DCUN1D4: variants seen among roughly 807,000 people sequenced by gnomAD.
The protein encoded by DCUN1D4 is DCN1-like protein 4.
In DCUN1D4, 22 loss-of-function variants were observed where a neutral mutation model predicts 47.9. That is an observed-to-expected ratio of 0.46 (90% CI 0.33 to 0.66). The LOEUF (loss-of-function observed/expected upper bound fraction) is 0.66, where lower values mean the gene tolerates loss of function less well. DCUN1D4 is among the 30% of genes least tolerant of loss of function. DCUN1D4 has a pLI of 0.02. For synonymous variants in DCUN1D4, 121 were observed against 112.2 expected, an observed-to-expected ratio of 1.08 and a Z score of -0.50; for missense variants, 301 against 340.8, an observed-to-expected ratio of 0.88 and a Z score of 0.92.
At chr4:51,895,040 C>CTT (rs1321535733) in intron 7 of DCUN1D4, among the ~76,000 whole-genome samples, 2 of 152,054 alleles carry the variant, frequency 1.3e-5, no homozygotes, top group Non-Finnish European at 2.9e-5. Flanking sequence ...CCTTGGGTCT[C>CTT]TTAACTAATC....
chr4:51,868,231 G>A (rs1210313183), intron 3 of DCUN1D4, among the ~76,000 whole-genome samples: 1 of 152,164 alleles, frequency 6.6e-6, no homozygotes, highest in Non-Finnish European at 1.5e-5. Context: ...ATGGCTGGGC[G>A]GCTGCAGCTG....
At chr4:51,870,369 T>A (rs1577919501) in intron 3 of DCUN1D4, among the ~76,000 whole-genome samples, 1 of 152,302 alleles carries the variant, frequency 6.6e-6, no homozygotes, top group East Asian at 1.9e-4. Context: ...AAGCATTCCT[T>A]GAATATGTCT....
chr4:51,894,291 G>A (rs999528567), intron 7 of DCUN1D4, among the ~76,000 whole-genome samples: 2 of 152,170 alleles, frequency 1.3e-5, no homozygotes, highest in Non-Finnish European at 2.9e-5. Flanking sequence ...CATCAGTGAG[G>A]TGGAGATAAT....
At chr4:51,845,842 A>C (rs1365750223) in intron 1 of DCUN1D4, among the ~76,000 whole-genome samples, 1 of 152,202 alleles carries the variant, frequency 6.6e-6, no homozygotes, top group Non-Finnish European at 1.5e-5. Flanking sequence ...TGATGAGTGA[A>C]AAATTGGGCA....
intron 6 of DCUN1D4, among the ~76,000 whole-genome samples, chr4:51,889,723 C>T (rs980683206): frequency 1.3e-5 from 2 of 152,098 alleles, no homozygotes; most frequent in East Asian, 1.9e-4. Context: ...CTAGGTAAAT[C>T]GATATACAAG....
At chr4:51,892,576 T>G (rs940934444) in intron 7 of DCUN1D4, among the ~76,000 whole-genome samples, 2 of 152,246 alleles carry the variant, frequency 1.3e-5, no homozygotes, top group African/African-American at 4.8e-5. Context: ...CTCCAGTGAT[T>G]TAAAAAATTA....
chr4:51,899,124 T>C (rs1731721016), intron 7 of DCUN1D4, 146 bp from the exon 8 acceptor site: 1 of 1,346,872 alleles, frequency 7.4e-7, no homozygotes, highest in Non-Finnish European at 9.6e-7. Flanking sequence ...TAAAATTTTT[T>C]TTAAGTGTAG....
At chr4:51,885,956 G>A (rs1369455481) in intron 5 of DCUN1D4, among the ~76,000 whole-genome samples, 1 of 152,186 alleles carries the variant, frequency 6.6e-6, no homozygotes, top group Non-Finnish European at 1.5e-5. Context: ...GCTTATTGGA[G>A]ACCTTGGCAA....
intron 6 of DCUN1D4, chr4:51,886,876 C>T: frequency 2.1e-6 from 1 of 482,344 alleles, no homozygotes; most frequent in South Asian, 2.1e-5. Flanking sequence ...GTAAAAGGTA[C>T]AGTAAGCCAG....
At chr4:51,838,852 A>C (rs1464347238), upstream of DCUN1D4, among the ~76,000 whole-genome samples, 1 of 152,182 alleles carries the variant, frequency 6.6e-6, no homozygotes, top group African/African-American at 2.4e-5. Context: ...AGGCGGGCAG[A>C]TCACCTGAGG....
In DCUN1D4 at chr4:51,914,181, A is replaced by G. The variant is rs1734097774; in HGVS notation, c.*597A>G. 6.6e-6 allele frequency: 1 copy of G among 152,254 alleles called. No homozygotes were observed. The highest frequency in any genetic ancestry group is 1.5e-5 in the Non-Finnish European group (1 of 68,064). The allele number at this position is 152,254 out of a possible 1,614,324, so 9.4% of individuals were successfully genotyped here. ...GAGTTATAATTATTTGAACATATAG[A>G]TATGTAACATGCCACAAATCATTTC... On this transcript the variant is annotated 3_prime_UTR_variant, in exon 11 of 11. Coordinates refer to ENST00000334635, the MANE Select transcript of DCUN1D4 (RefSeq NM_001040402.3).
At chr4:51,834,114 C>CTTTTTTTTTTTTTTTTTTTTTTT in the DCUN1D4 span, among the ~76,000 whole-genome samples, 6 of 37,198 alleles carry the variant, frequency 1.6e-4, no homozygotes, top group African/African-American at 4.2e-4. Flanking sequence ...TTTTTTTTTT[C>CTTTTTTTTTTTTTTTTTTTTTTT]TTTTTTTTTT....
intron 1 of DCUN1D4, among the ~76,000 whole-genome samples, chr4:51,845,574 C>T (rs559990844): frequency 6.6e-6 from 1 of 152,194 alleles, no homozygotes; most frequent in Non-Finnish European, 1.5e-5. Flanking sequence ...TCACATCCTT[C>T]ACCAGTTCCC....
At chr4:51,839,927 TCTC>T, upstream of DCUN1D4, among the ~76,000 whole-genome samples, 1 of 152,322 alleles carries the variant, frequency 6.6e-6, no homozygotes, top group South Asian at 2.1e-4. Flanking sequence ...TTACTAGACT[TCTC>T]CATATCACAT....
At chr4:51,900,610 A>G (rs987814117) in intron 8 of DCUN1D4, among the ~76,000 whole-genome samples, 1 of 152,124 alleles carries the variant, frequency 6.6e-6, no homozygotes, top group Non-Finnish European at 1.5e-5. Context: ...TATGGTGCCT[A>G]TAGTTCTAGC....
chr4:51,842,118 CTT>C, upstream of DCUN1D4, among the ~76,000 whole-genome samples: 1 of 152,246 alleles, frequency 6.6e-6, no homozygotes, highest in East Asian at 1.9e-4. Context: ...GAATTCTTGA[CTT>C]AGGGTCAGAA....
chr4:51,901,145 C>T (rs1732039834), intron 8 of DCUN1D4, among the ~76,000 whole-genome samples: 1 of 152,134 alleles, frequency 6.6e-6, no homozygotes, highest in Non-Finnish European at 1.5e-5. Flanking sequence ...ATTCGTCTTC[C>T]TTCAGCCCCT....
chr4:51,899,442 T>C, intron 8 of DCUN1D4, 64 bp downstream of exon 8: 1 of 1,519,444 alleles, frequency 6.6e-7, no homozygotes, highest in African/African-American at 1.4e-5. Flanking sequence ...AATTGCCTTT[T>C]GAGGTTAGTT....
At chr4:51,841,838 C>G (rs1189582124), upstream of DCUN1D4, among the ~76,000 whole-genome samples, 1 of 151,878 alleles carries the variant, frequency 6.6e-6, no homozygotes, top group Non-Finnish European at 1.5e-5. Flanking sequence ...CCAAAAAGAC[C>G]GTGCGTTCTG....
Sources: gnomAD v4.1 joint callset for allele counts (sites outside exome capture counted in the v4.1 genomes callset) on GRCh38, gnomAD v4.1.1 for gene constraint, MANE v1.5 for transcripts, NCBI Gene and HGNC (gene_info 2026-07-23, HGNC 2026-07-21) for gene names.